The following TAB2 variants were observed in gnomAD, a reference collection of about 807,000 sequenced individuals.
The protein encoded by TAB2 is TGF-beta activated kinase 1 (MAP3K7) binding protein 2, also known as TGF-beta-activated kinase 1 and MAP3K7-binding protein 2.
In TAB2, 3 loss-of-function variants were observed where a neutral mutation model predicts 65.0. That is an observed-to-expected ratio of 0.05 (90% CI 0.02 to 0.12). The LOEUF is 0.12. Ranked by LOEUF, TAB2 falls within the 10% of genes least tolerant of loss-of-function variation. The pLI is 1.00. For missense variants in TAB2, 623 were observed against 840.3 expected, an observed-to-expected ratio of 0.74 and a Z score of 3.20; for synonymous variants, 298 against 285.1, an observed-to-expected ratio of 1.05 and a Z score of -0.46.
Position 149,254,107 on chromosome 6 carries a change from AAGG to A in TAB2, c.-121+35333_-121+35335del, listed in dbSNP as rs1562389718. On this transcript the variant is annotated intron_variant, in intron 1 of 1. Transcript: ENST00000606202. Reference sequence around the variant, plus strand: ...GAAGGAAGGAAGGAAGGAAGGAAGGAAGGAAGGACAGGGAAGGGAAGGGAAAGG... The same window carrying A: ...GAAGGAAGGAAGGAAGGAAGGAAGGAAAGGACAGGGAAGGGAAGGGAAAGG... Among the ~76,000 whole-genome samples the A allele has an allele frequency of 4.2e-4, 43 of 102,298 alleles. 1 individual carries two copies. Among genetic ancestry groups the A allele is most frequent in the Middle Eastern group, 4.3e-3 (1 of 230 alleles). 67.1% of individuals were successfully genotyped at this position (102,298 alleles called of 152,430 possible).
chr6:149,248,175 T>A (rs1466843991), intron 1 of TAB2, among the ~76,000 whole-genome samples: 1 of 152,112 alleles, frequency 6.6e-6, no homozygotes, highest in Non-Finnish European at 1.5e-5. Context: ...GTGGGTCACC[T>A]GAGGTCAGGA....
rs988907202 is a variant in TAB2 at position 149,400,776 on chromosome 6, C to G, written c.1939+1592C>G. 3.9e-6 allele frequency: 5 copies of G among 1,284,276 alleles called. No homozygotes were observed. The East Asian group carries it at 6.9e-5, about 18-fold the overall frequency. The allele number at this position is 1,284,276 out of a possible 1,614,324, so 79.6% of individuals were successfully genotyped here. A position where few individuals can be genotyped will look rare whatever the true frequency, so the allele number is the denominator to read the frequency against. On this transcript the variant is annotated intron_variant, in intron 6 of 6. Transcript: ENST00000637181. The stretch of plus-strand genomic sequence containing the variant: ...AACTGCAATTTGGTTCCACCACATT[C>G]TGACTACTACAGTATAGTTTTCTCT...
chr6:149,248,098 T>G (rs984138045), intron 1 of TAB2, among the ~76,000 whole-genome samples: 1 of 151,806 alleles, frequency 6.6e-6, no homozygotes, highest in African/African-American at 2.4e-5. Context: ...CAGAAAGAAA[T>G]AAACATTCTA....
At chr6:149,397,853 C>G in intron 4 of TAB2, 89 bp downstream of exon 4, 1 of 1,582,614 alleles carries the variant, frequency 6.3e-7, no homozygotes, top group Non-Finnish European at 8.7e-7. Flanking sequence ...TAGTTTTCTT[C>G]AGATGTTCTT....
At chr6:149,244,173 T>C (rs960494873) in intron 1 of TAB2, 1 of 152,266 alleles carries the variant, frequency 6.6e-6, no homozygotes, top group East Asian at 1.9e-4. Context: ...GGCTTTCCAG[T>C]GTTTGGGGAA....
At chr6:149,280,191 T>G (rs1309331306) in intron 1 of TAB2, among the ~76,000 whole-genome samples, 1 of 152,242 alleles carries the variant, frequency 6.6e-6, no homozygotes, top group Non-Finnish European at 1.5e-5. Context: ...TTCTTAGGCA[T>G]GTTGCTTATA....
At chr6:149,265,291 A>C (rs1369965793) in intron 1 of TAB2, among the ~76,000 whole-genome samples, 4 of 151,668 alleles carry the variant, frequency 2.6e-5, no homozygotes, top group Non-Finnish European at 5.9e-5. Flanking sequence ...CTTTGCCAGC[A>C]TTCTGTTTTA....
chr6:149,288,695 C>G (rs1460271320), intron 1 of TAB2, among the ~76,000 whole-genome samples: 5 of 152,126 alleles, frequency 3.3e-5, no homozygotes, highest in Non-Finnish European at 7.4e-5. Context: ...GATAGCAGGA[C>G]TTACAGGATG....
At chr6:149,336,036 T>C (rs976525402) in intron 1 of TAB2, among the ~76,000 whole-genome samples, 2 of 152,144 alleles carry the variant, frequency 1.3e-5, no homozygotes, top group African/African-American at 4.8e-5. Context: ...AAGATAGAAA[T>C]AAACATTTTG....
At chr6:149,389,653 A>G (rs1781918490) in intron 3 of TAB2, among the ~76,000 whole-genome samples, 1 of 149,722 alleles carries the variant, frequency 6.7e-6, no homozygotes, top group Admixed American at 6.8e-5. Flanking sequence ...GTCAAAAAAA[A>G]AAAAAAAAAA....
At chr6:149,334,925 GGA>G (rs1779889381) in intron 1 of TAB2, among the ~76,000 whole-genome samples, 3 of 152,098 alleles carry the variant, frequency 2.0e-5, no homozygotes, top group Admixed American at 6.6e-5. Flanking sequence ...TTAGTGAGTA[GGA>G]GGCAGTGAGT....
At chr6:149,299,036 A>G (rs1778925954) in intron 1 of TAB2, among the ~76,000 whole-genome samples, 1 of 152,222 alleles carries the variant, frequency 6.6e-6, no homozygotes, top group Non-Finnish European at 1.5e-5. Flanking sequence ...TTTTCATGCT[A>G]AATGAATATG....
intron 1 of TAB2, among the ~76,000 whole-genome samples, chr6:149,329,379 A>G (rs1214652753): frequency 2.0e-5 from 3 of 152,168 alleles, no homozygotes; most frequent in Non-Finnish European, 4.4e-5. Flanking sequence ...AAGATCACAC[A>G]TGCCCTGGGT....
intron 1 of TAB2, among the ~76,000 whole-genome samples, chr6:149,327,095 G>A (rs1779642569): frequency 6.6e-6 from 1 of 151,988 alleles, no homozygotes; most frequent in Non-Finnish European, 1.5e-5. Context: ...TCAGATCTGT[G>A]GTACAAAGCC....
At chr6:149,309,027 A>T (rs1042610742) in intron 1 of TAB2, among the ~76,000 whole-genome samples, 6 of 152,176 alleles carry the variant, frequency 3.9e-5, no homozygotes, top group Non-Finnish European at 8.8e-5. Flanking sequence ...AATAAAAAAA[A>T]ATATATGGAA....
intron 1 of TAB2, among the ~76,000 whole-genome samples, chr6:149,342,193 C>G (rs923472531): frequency 4.6e-5 from 7 of 152,046 alleles, no homozygotes; most frequent in African/African-American, 1.7e-4. Context: ...ACATTCAATT[C>G]ATTGCTTGGA....
chr6:149,408,954 A>G (rs1201995933), intron 6 of TAB2, among the ~76,000 whole-genome samples: 1 of 152,200 alleles, frequency 6.6e-6, no homozygotes, highest in Non-Finnish European at 1.5e-5. Flanking sequence ...CTCCATTCTC[A>G]CAACTCTCAA....
chr6:149,349,159 G>A (rs917120846), intron 1 of TAB2, among the ~76,000 whole-genome samples: 14 of 151,968 alleles, frequency 9.2e-5, no homozygotes, highest in Admixed American at 6.6e-5. Flanking sequence ...CATGTCTCAC[G>A]CCTGTAACCC....
Position 149,248,932 on chromosome 6 carries a change from A to G in TAB2, c.-121+30156A>G, listed in dbSNP as rs143217627. ...TCTGCCTCTTAAAGGATATGTGTCC[A>G]CCCTCTCCCACGCCTCACCATCCCC... On this transcript the variant is annotated intron_variant, in intron 1 of 1. Coordinates refer to the TAB2 transcript ENST00000606202. Among the ~76,000 whole-genome samples, 58 of 152,088 alleles carry G rather than the reference A, an allele frequency of 3.8e-4. 1 individual carries two copies. The East Asian group carries it at 0.01, about 27-fold the overall frequency.
Sources: gnomAD v4.1 joint callset for allele counts (sites outside exome capture counted in the v4.1 genomes callset) on GRCh38, gnomAD v4.1.1 for gene constraint, MANE v1.5 for transcripts, NCBI Gene and HGNC (gene_info 2026-07-23, HGNC 2026-07-21) for gene names.